BARD1: variants seen among roughly 807,000 people sequenced by gnomAD.
BARD1 encodes BRCA1-associated RING domain protein 1.
A neutral mutation model predicts 77.0 loss-of-function variants in BARD1; 73 were observed. The observed-to-expected ratio is 0.95, with a 90% confidence interval of 0.79 to 1.15. The LOEUF is 1.15. BARD1 is among the 50% of genes most tolerant of loss of function. The probability of loss-of-function intolerance (pLI) is 0.00; values close to 1 mark genes in which losing one functional copy is unlikely to be tolerated. For missense variants in BARD1, 993 were observed against 938.8 expected, an observed-to-expected ratio of 1.06 and a Z score of -0.75; for synonymous variants, 384 against 338.0, an observed-to-expected ratio of 1.14 and a Z score of -1.49.
chr2:214,768,311 T>C (rs1041997282), intron 5 of BARD1, among the ~76,000 whole-genome samples: 1 of 152,214 alleles, frequency 6.6e-6, no homozygotes, highest in Non-Finnish European at 1.5e-5. Flanking sequence ...TCAATTTCAA[T>C]TCATAATAAG....
rs113789798 is a variant in BARD1 at position 214,728,537 on chromosome 2, C to CTTTTTTTT, written c.*131_*138dup. 2 of 552,120 alleles carry CTTTTTTTT rather than the reference C, an allele frequency of 3.6e-6. No homozygotes were observed. The highest frequency in any genetic ancestry group is 6.0e-6 in the Non-Finnish European group (2 of 336,094). The allele number at this position is 552,120 out of a possible 1,614,324, so 34.2% of individuals were successfully genotyped here. On this transcript the variant is annotated 3_prime_UTR_variant, in exon 11 of 11. Coordinates refer to ENST00000260947, the MANE Select transcript of BARD1 (RefSeq NM_000465.4). ...CATGAATTCCTAATCTGGCATTAGA[C>CTTTTTTTT]TTTTTTTTTTTTTTTGATTCAAAGA...
At chr2:214,731,686 T>C (rs1319279354) in intron 9 of BARD1, among the ~76,000 whole-genome samples, 1 of 152,226 alleles carries the variant, frequency 6.6e-6, no homozygotes, top group Non-Finnish European at 1.5e-5. Context: ...CAATTTCCTA[T>C]TTGTCTTTGA....
intron 2 of BARD1, among the ~76,000 whole-genome samples, chr2:214,795,501 T>C (rs553147591): frequency 2.6e-5 from 4 of 152,108 alleles, no homozygotes; most frequent in Non-Finnish European, 5.9e-5. Flanking sequence ...GGTAATGATA[T>C]GGATATTATC....
chr2:214,775,300 G>T (rs1694689301), intron 4 of BARD1, among the ~76,000 whole-genome samples: 1 of 152,122 alleles, frequency 6.6e-6, no homozygotes, highest in East Asian at 1.9e-4. Context: ...AAACTCAGAG[G>T]ACATTGTAGG....
intron 9 of BARD1, among the ~76,000 whole-genome samples, chr2:214,732,189 C>A (rs1263607687): frequency 6.6e-6 from 1 of 152,172 alleles, no homozygotes; most frequent in Non-Finnish European, 1.5e-5. Flanking sequence ...CTTACTTCAA[C>A]AGTAAATTGA....
chr2:214,759,178 C>A (rs190389655), intron 6 of BARD1, among the ~76,000 whole-genome samples: 1 of 152,032 alleles, frequency 6.6e-6, no homozygotes, highest in East Asian at 1.9e-4. Context: ...GGCAGTGGGA[C>A]AATTAATAGG....
intron 7 of BARD1, among the ~76,000 whole-genome samples, chr2:214,749,301 C>T (rs1442788207): frequency 2.0e-5 from 3 of 152,096 alleles, no homozygotes; most frequent in Non-Finnish European, 2.9e-5. Context: ...GAAGAAGAGA[C>T]TGGTAGTGGC....
chr2:214,808,604 A>C (rs1023143438), intron 1 of BARD1, among the ~76,000 whole-genome samples: 1 of 152,226 alleles, frequency 6.6e-6, no homozygotes. Flanking sequence ...TGCTCAATAA[A>C]AATGCTTTTC....
chr2:214,743,595 T>TG (rs1234184534), intron 9 of BARD1, among the ~76,000 whole-genome samples: 1 of 151,980 alleles, frequency 6.6e-6, no homozygotes, highest in East Asian at 1.9e-4. Context: ...GTTATTTATT[T>TG]TTTTTTGAGA....
At position 214,794,613 on chromosome 2, in the gene BARD1, G is replaced by A. The variant is rs116482146; in HGVS notation, c.216-2168C>T. 8.8e-3 allele frequency among the ~76,000 whole-genome samples: 1,341 copies of A among 151,744 alleles called. 9 individuals carry two copies. Among genetic ancestry groups the A allele is most frequent in the Middle Eastern group, 0.068 (20 of 292 alleles). On this transcript the variant is annotated intron_variant, in intron 2 of 10. Coordinates refer to ENST00000260947, the MANE Select transcript of BARD1 (RefSeq NM_000465.4). ...TTTTTAAAAAGTCTCAGTTTTGTACGGTAAATGCATGAACACACAAAAGCT... is the reference window on the plus strand; with the variant it reads ...TTTTTAAAAAGTCTCAGTTTTGTACAGTAAATGCATGAACACACAAAAGCT...
intron 5 of BARD1, among the ~76,000 whole-genome samples, chr2:214,769,001 A>C (rs1181176508): frequency 6.6e-6 from 1 of 152,222 alleles, no homozygotes; most frequent in African/African-American, 2.4e-5. Context: ...AGTACAGTAC[A>C]AATGGATTCC....
At chr2:214,736,840 C>A (rs910094054) in intron 9 of BARD1, among the ~76,000 whole-genome samples, 12 of 152,074 alleles carry the variant, frequency 7.9e-5, no homozygotes, top group Non-Finnish European at 8.8e-5. Context: ...TAAAGTAAAG[C>A]AAATCCAATG....
intron 9 of BARD1, among the ~76,000 whole-genome samples, chr2:214,740,047 T>A (rs1276168716): frequency 6.6e-6 from 1 of 152,040 alleles, no homozygotes; most frequent in Admixed American, 6.5e-5. Context: ...TTATGAATAA[T>A]ATCAAAATTG....
intron 9 of BARD1, among the ~76,000 whole-genome samples, chr2:214,736,494 T>TACTG (rs1692570930): frequency 6.6e-6 from 1 of 152,166 alleles, no homozygotes; most frequent in Non-Finnish European, 1.5e-5. Flanking sequence ...CTGAACATTC[T>TACTG]TATGATATCT....
chr2:214,772,379 C>T (rs1694542933), intron 4 of BARD1, among the ~76,000 whole-genome samples: 1 of 152,078 alleles, frequency 6.6e-6, no homozygotes. Flanking sequence ...CATTCCCTAT[C>T]TTTAACATGA....
At chr2:214,761,203 T>C (rs1693948128) in intron 6 of BARD1, among the ~76,000 whole-genome samples, 1 of 151,398 alleles carries the variant, frequency 6.6e-6, no homozygotes, top group Non-Finnish European at 1.5e-5. Context: ...GTTATCAAAA[T>C]AGATACTGTT....
At chr2:214,734,544 C>A (rs894307474) in intron 9 of BARD1, among the ~76,000 whole-genome samples, 2 of 151,960 alleles carry the variant, frequency 1.3e-5, no homozygotes, top group South Asian at 4.1e-4. Flanking sequence ...GCTATGTTAC[C>A]TAATATTCAT....
chr2:214,749,174 T>C (rs1693281564), intron 7 of BARD1, among the ~76,000 whole-genome samples: 1 of 129,114 alleles, frequency 7.7e-6, no homozygotes, highest in South Asian at 2.6e-4. Flanking sequence ...TGGGAACATC[T>C]AGTTCCTGGA....
At chr2:214,755,958 C>CT (rs1693675873) in intron 6 of BARD1, among the ~76,000 whole-genome samples, 1 of 152,146 alleles carries the variant, frequency 6.6e-6, no homozygotes. Context: ...ATATTAATAT[C>CT]TTTTACATGT....
Sources: gnomAD v4.1 joint callset for allele counts (sites outside exome capture counted in the v4.1 genomes callset) on GRCh38, gnomAD v4.1.1 for gene constraint, MANE v1.5 for transcripts, NCBI Gene and HGNC (gene_info 2026-07-23, HGNC 2026-07-21) for gene names.